Variants in TBCK observed in about 807,000 individuals in gnomAD.
TBCK encodes the protein TBC domain-containing protein kinase-like protein.
TBCK carries 99 observed loss-of-function variants against 113.4 expected under a neutral mutation model. The observed-to-expected ratio is 0.87, with a 90% CI of 0.74 to 1.03. The LOEUF (loss-of-function observed/expected upper bound fraction) is 1.03, where lower values mean the gene tolerates loss of function less well. Ranked by LOEUF, TBCK falls within the 50% of genes least tolerant of loss-of-function variation. The pLI is 0.00. For synonymous variants in TBCK, 369 were observed against 370.8 expected, an observed-to-expected ratio of 1.00 and a Z score of 0.05; for missense variants, 1,045 against 1,061.3, an observed-to-expected ratio of 0.98 and a Z score of 0.21.
intron 8 of TBCK, 53 bp from the exon 9 acceptor site, chr4:106,248,359 T>C: frequency 8.0e-7 from 1 of 1,247,480 alleles, no homozygotes; most frequent in African/African-American, 1.6e-5. Context: ...TTTAGAAATA[T>C]ACTTTATTCA....
chr4:106,047,826 C>A (rs1207719677), intron 25 of TBCK, among the ~76,000 whole-genome samples: 1 of 152,080 alleles, frequency 6.6e-6, no homozygotes, highest in East Asian at 1.9e-4. Flanking sequence ...CCTATTTTAT[C>A]TCTGTTCCTT....
intron 23 of TBCK, among the ~76,000 whole-genome samples, chr4:106,133,180 C>T (rs146960803): frequency 6.6e-6 from 1 of 152,238 alleles, no homozygotes; most frequent in African/African-American, 2.4e-5. Context: ...CTGTAATAAT[C>T]CCCAAGTGTG....
intron 1 of TBCK, among the ~76,000 whole-genome samples, chr4:106,312,570 T>C (rs1768317966): frequency 1.3e-5 from 2 of 152,146 alleles, no homozygotes; most frequent in African/African-American, 4.8e-5. Flanking sequence ...AAAATATCCC[T>C]AACTTATGAC....
intron 25 of TBCK, among the ~76,000 whole-genome samples, chr4:106,074,777 T>C (rs1737967013): frequency 6.6e-6 from 1 of 152,208 alleles, no homozygotes; most frequent in Non-Finnish European, 1.5e-5. Context: ...AAAGCAGAGC[T>C]GTTGCCATCC....
At chr4:106,215,283 G>A (rs952254101) in intron 19 of TBCK, among the ~76,000 whole-genome samples, 3 of 151,892 alleles carry the variant, frequency 2.0e-5, no homozygotes, top group Admixed American at 6.6e-5. Flanking sequence ...AATGACCATC[G>A]AGACTACGAA....
intron 23 of TBCK, among the ~76,000 whole-genome samples, chr4:106,135,629 T>C (rs1746466064): frequency 7.0e-6 from 1 of 142,030 alleles, no homozygotes; most frequent in Non-Finnish European, 1.6e-5. Flanking sequence ...GAAGGAAGAC[T>C]GTTGTAGAAG....
chr4:106,246,369 T>TAA (rs1206175026), intron 10 of TBCK, among the ~76,000 whole-genome samples: 1 of 152,158 alleles, frequency 6.6e-6, no homozygotes, highest in Admixed American at 6.6e-5. Context: ...AGAATAAAGG[T>TAA]AACTGGTGTC....
At chr4:106,216,550 A>G (rs1263391795) in intron 19 of TBCK, among the ~76,000 whole-genome samples, 3 of 152,054 alleles carry the variant, frequency 2.0e-5, no homozygotes, top group African/African-American at 7.2e-5. Context: ...CACCGATCCC[A>G]CAGAAATACA....
intron 12 of TBCK, among the ~76,000 whole-genome samples, chr4:106,242,229 TAAAG>T (rs1418760571): frequency 1.3e-5 from 2 of 151,984 alleles, no homozygotes; most frequent in Non-Finnish European, 2.9e-5. Context: ...ACCAGGTAAA[TAAAG>T]AAATGAGAAC....
chr4:106,141,529 A>C (rs1349382082), intron 23 of TBCK, among the ~76,000 whole-genome samples: 1 of 140,928 alleles, frequency 7.1e-6, no homozygotes, highest in East Asian at 2.0e-4. Flanking sequence ...GCTGTGATTC[A>C]AAAGTTTAAG....
At chr4:106,142,339 G>A (rs1747229528) in intron 23 of TBCK, among the ~76,000 whole-genome samples, 1 of 152,184 alleles carries the variant, frequency 6.6e-6, no homozygotes, top group South Asian at 2.1e-4. Context: ...ATGTGACAAT[G>A]CTGCAGATAA....
chr4:106,081,417 G>A (rs1340591998), intron 25 of TBCK, among the ~76,000 whole-genome samples: 3 of 152,152 alleles, frequency 2.0e-5, no homozygotes, highest in Non-Finnish European at 2.9e-5. Context: ...ACTAATGCAG[G>A]CACAGAAAAC....
chr4:106,115,481 A>T (rs1415367211), intron 24 of TBCK, among the ~76,000 whole-genome samples: 1 of 152,214 alleles, frequency 6.6e-6, no homozygotes, highest in Non-Finnish European at 1.5e-5. Flanking sequence ...TATAAATCTG[A>T]ACTTATGAAG....
chr4:106,191,724 T>A (rs944452635), intron 22 of TBCK, among the ~76,000 whole-genome samples: 1 of 152,146 alleles, frequency 6.6e-6, no homozygotes. Flanking sequence ...CAAAACAGAT[T>A]AATTATTTCA....
At chr4:106,062,216 T>A (rs1736135018) in intron 25 of TBCK, among the ~76,000 whole-genome samples, 1 of 151,910 alleles carries the variant, frequency 6.6e-6, no homozygotes, top group East Asian at 1.9e-4. Context: ...CAGAAATGGC[T>A]ATGTGGAAAT....
At chr4:106,096,898 A>ACTC (rs1054004803) in intron 24 of TBCK, among the ~76,000 whole-genome samples, 2 of 152,108 alleles carry the variant, frequency 1.3e-5, no homozygotes, top group African/African-American at 4.8e-5. Context: ...GAAGACCCTG[A>ACTC]CTCTAAAAGA....
intron 25 of TBCK, among the ~76,000 whole-genome samples, chr4:106,092,985 T>G (rs1740480935): frequency 6.6e-6 from 1 of 152,218 alleles, no homozygotes; most frequent in South Asian, 2.1e-4. Context: ...CATTGGAGAT[T>G]ACATTTCAAC....
intron 24 of TBCK, among the ~76,000 whole-genome samples, chr4:106,101,593 TG>T (rs879570773): frequency 1.6e-4 from 25 of 152,218 alleles, no homozygotes; most frequent in Non-Finnish European, 2.8e-4. Context: ...ACTGGGTTTA[TG>T]TGTTTTTCAA....
In TBCK at chr4:106,043,711, G is replaced by A. The variant is rs1266921786; in HGVS notation, c.*2859C>T. 6.6e-6 allele frequency: 1 copy of A among 151,584 alleles called. No homozygotes were observed. Among genetic ancestry groups the A allele is most frequent in the African/African-American group, 2.4e-5 (1 of 41,248 alleles). The allele number at this position is 151,584 out of a possible 1,614,324, so 9.4% of individuals were successfully genotyped here. On this transcript the variant is annotated 3_prime_UTR_variant, in exon 26 of 26. Transcript: ENST00000394708. ...CACTGTTGTTGCTAGATTATCAAGA[G>A]TTAATAAGTGTGTTTATGAATGTGA... is the stretch of plus-strand genomic sequence containing the variant.
Sources: allele counts gnomAD v4.1 joint callset (sites outside exome capture counted in the v4.1 genomes callset), GRCh38; gene constraint gnomAD v4.1.1; transcripts MANE v1.5; gene names NCBI Gene and HGNC (gene_info 2026-07-23, HGNC 2026-07-21).